The following UBXN7 variants were observed in gnomAD, a reference collection of about 807,000 sequenced individuals.
UBXN7 encodes UBX domain-containing protein 7.
UBXN7 carries 9 observed loss-of-function variants against 58.0 expected under a neutral mutation model. The ratio of observed to expected loss-of-function variants is 0.16; its 90% CI spans 0.09 to 0.27. UBXN7 has a LOEUF of 0.27. UBXN7 is among the 10% of genes least tolerant of loss of function. The pLI is 1.00. For synonymous variants in UBXN7, 208 were observed against 205.0 expected, an observed-to-expected ratio of 1.01 and a Z score of -0.12; for missense variants, 328 against 599.6, an observed-to-expected ratio of 0.55 and a Z score of 4.73.
At chr3:196,424,828 G>A (rs1433229533) in intron 1 of UBXN7, among the ~76,000 whole-genome samples, 1 of 150,292 alleles carries the variant, frequency 6.7e-6, no homozygotes, top group African/African-American at 2.5e-5. Context: ...TCAGCCTCCT[G>A]AGTAGCTGGG....
At position 196,368,053 on chromosome 3, in the gene UBXN7, C is replaced by G. The variant is rs1577436752; in HGVS notation, c.809G>C (p.Ser270Thr). The change falls in exon 8 of 11, where the codon AGT (serine) becomes ACT (threonine). Residue 270 changes from serine (S) to threonine (T), a missense_variant. Physicochemically the swap from Ser to Thr is moderately conservative, Grantham distance 58. Around this residue, in one of 4 missense-constraint regions of UBXN7, gnomAD observed 126 missense variants for 302.6 expected, o/e 0.42. Coordinates refer to ENST00000296328, the MANE Select transcript of UBXN7 (RefSeq NM_015562.2). Reference protein sequence around the residue: ...EHGQLDGLSSSPPKKCARSES... With the variant: ...EHGQLDGLSSTPPKKCARSES... ...TGAACGGGCACATTTTTTGGGGGGACTGCTAGAAAGTCCATCCAGTTGTCC... is the reference window on the plus strand; with the variant it reads ...TGAACGGGCACATTTTTTGGGGGGAGTGCTAGAAAGTCCATCCAGTTGTCC... The G allele has an allele frequency of 6.2e-7, 1 of 1,613,546 alleles. No homozygotes were observed.
chr3:196,411,811 A>G (rs1730337328), intron 1 of UBXN7, among the ~76,000 whole-genome samples: 1 of 152,202 alleles, frequency 6.6e-6, no homozygotes, highest in South Asian at 2.1e-4. Flanking sequence ...ACTTCGTCTC[A>G]AAAAACAAAC....
At chr3:196,407,962 G>A (rs1241987526) in intron 1 of UBXN7, among the ~76,000 whole-genome samples, 1 of 150,480 alleles carries the variant, frequency 6.6e-6, no homozygotes, top group Non-Finnish European at 1.5e-5. Context: ...GCCAGGCATG[G>A]TGGTACACAC....
chr3:196,426,847 C>CA (rs879857963), intron 1 of UBXN7, among the ~76,000 whole-genome samples: 1,568 of 100,576 alleles, frequency 0.016, 15 homozygotes, highest in African/African-American at 0.046. Context: ...GACTCTGTCT[C>CA]AAAAAAAAAA....
At chr3:196,429,896 G>A (rs921904268) in intron 1 of UBXN7, among the ~76,000 whole-genome samples, 1 of 152,138 alleles carries the variant, frequency 6.6e-6, no homozygotes, top group African/African-American at 2.4e-5. Context: ...CTACGTAGAC[G>A]AACAGAAACA....
chr3:196,385,797 G>T (rs1303879551), intron 5 of UBXN7, among the ~76,000 whole-genome samples: 2 of 150,340 alleles, frequency 1.3e-5, no homozygotes, highest in South Asian at 4.2e-4. Flanking sequence ...GAAGTGGGGG[G>T]GGTGGGGGCG....
chr3:196,422,399 G>A (rs1730716837), intron 1 of UBXN7, among the ~76,000 whole-genome samples: 1 of 151,620 alleles, frequency 6.6e-6, no homozygotes, highest in South Asian at 2.1e-4. Context: ...GAGGATTATT[G>A]ACCCCAGGAG....
intron 3 of UBXN7, among the ~76,000 whole-genome samples, chr3:196,395,375 T>C (rs548031960): frequency 2.6e-5 from 4 of 152,332 alleles, no homozygotes; most frequent in African/African-American, 7.2e-5. Flanking sequence ...TGTGTATATG[T>C]GTATGTTTTT....
intron 8 of UBXN7, among the ~76,000 whole-genome samples, chr3:196,363,295 A>C (rs1434630029): frequency 5.3e-5 from 8 of 151,562 alleles, no homozygotes; most frequent in Admixed American, 4.6e-4. Context: ...TTTTTAAGAG[A>C]CAGGGTCTAA....
rs1423659451 is a variant in UBXN7 at position 196,407,325 on chromosome 3, T to C, written c.142A>G (p.Met48Val). The C allele has an allele frequency of 1.2e-6, 2 of 1,613,572 alleles. No individual in the cohort carries two copies. Among genetic ancestry groups the C allele is most frequent in the Non-Finnish European group, 1.7e-6 (2 of 1,179,982 alleles). ...CNNNLEMAVT[M>V]FLDGGGIAEE... ...GCGATTCCTCCACCATCCAAAAACA[T>C]AGTGACTGCCATTTCCAGATTATTG... Residue 48 changes from methionine to valine, a missense_variant, in exon 2 of 11, where the codon ATG becomes GTG. Transcript: ENST00000296328.
At chr3:196,369,552 G>A in intron 6 of UBXN7, 41 bp from the exon 7 acceptor site, 8 of 1,482,490 alleles carry the variant, frequency 5.4e-6, no homozygotes, top group African/African-American at 1.4e-5. Flanking sequence ...CAGCCTCTAA[G>A]AAAAGAACCA....
At chr3:196,402,005 T>C (rs1730009878) in intron 3 of UBXN7, among the ~76,000 whole-genome samples, 1 of 152,008 alleles carries the variant, frequency 6.6e-6, no homozygotes, top group Non-Finnish European at 1.5e-5. Context: ...AATTTGTATG[T>C]CTCTTGTACT....
At chr3:196,367,884 G>A in intron 8 of UBXN7, 144 bp downstream of exon 8, 1 of 1,132,106 alleles carries the variant, frequency 8.8e-7, no homozygotes, top group Non-Finnish European at 1.2e-6. Flanking sequence ...CAAAATATAA[G>A]GAGGATATCT....
intron 10 of UBXN7, among the ~76,000 whole-genome samples, chr3:196,358,044 G>C (rs190295246): frequency 1.3e-5 from 2 of 151,896 alleles, no homozygotes; most frequent in Admixed American, 6.5e-5. Context: ...ACAAGAAAAG[G>C]AAGAAAAAAA....
At chr3:196,421,886 C>T (rs994308761) in intron 1 of UBXN7, among the ~76,000 whole-genome samples, 1 of 151,900 alleles carries the variant, frequency 6.6e-6, no homozygotes, top group Admixed American at 6.6e-5. Flanking sequence ...TACCATTACA[C>T]ACTTATTGAA....
rs1321468626 is a variant in UBXN7, at chr3:196,353,513, A to C, written c.*3172T>G. On this transcript the variant is annotated 3_prime_UTR_variant, in exon 11 of 11. Transcript: ENST00000296328. ...TTTTTTTTTTTTAAATTTGAGATGG[A>C]GTGTCGCTTTGTCGCCCAGGCTGGA... The C allele has an allele frequency of 6.9e-6, 1 of 144,442 alleles. No individual in the cohort carries two copies. The highest frequency in any genetic ancestry group is 1.5e-5 in the Non-Finnish European group (1 of 66,626). The allele number at this position is 144,442 out of a possible 1,614,324, so 8.9% of individuals were successfully genotyped here.
Position 196,417,283 on chromosome 3 carries a change from G to A in UBXN7, c.74-9890C>T, listed in dbSNP as rs112150432. 2.5e-3 allele frequency among the ~76,000 whole-genome samples: 382 copies of A among 152,314 alleles called. 5 individuals carry two copies. Among genetic ancestry groups the A allele is most frequent in the African/African-American group, 8.3e-3 (344 of 41,578 alleles). On this transcript the variant is annotated intron_variant, in intron 1 of 10. Coordinates refer to ENST00000296328, the MANE Select transcript of UBXN7 (RefSeq NM_015562.2). The stretch of plus-strand genomic sequence containing the variant: ...GCCGAGATCGCGCGACTGCACTCCA[G>A]CCTGGGAGACAGAGCGAGACTCCAT...
intron 1 of UBXN7, among the ~76,000 whole-genome samples, chr3:196,407,913 C>T (rs544598747): frequency 4.3e-4 from 65 of 151,944 alleles, no homozygotes; most frequent in African/African-American, 1.1e-3. Flanking sequence ...GCCTAACCAA[C>T]GTGGTGAAAT....
In UBXN7 at chr3:196,349,099, A is replaced by G. The variant is rs1728154396; in HGVS notation, c.*7586T>C. On this transcript the variant is annotated 3_prime_UTR_variant, in exon 11 of 11. Transcript: ENST00000296328. ...CAAAGCTTGGATGGAAGCCCCTCAA[A>G]GTCTAAGTATCGTGTTAGCATCAAC... is the stretch of plus-strand genomic sequence containing the variant. 6.6e-6 allele frequency: 1 copy of G among 152,242 alleles called. No homozygotes were observed. The highest frequency in any genetic ancestry group is 6.5e-5 in the Admixed American group (1 of 15,282). The allele number at this position is 152,242 out of a possible 1,614,324, so 9.4% of individuals were successfully genotyped here. A position where few individuals can be genotyped will look rare whatever the true frequency, so the allele number is the denominator to read the frequency against.
Sources: allele counts gnomAD v4.1 joint callset (sites outside exome capture counted in the v4.1 genomes callset), GRCh38; gene constraint gnomAD v4.1.1; regional missense constraint gnomAD v4.1.1; transcripts MANE v1.5; gene names NCBI Gene and HGNC (gene_info 2026-07-23, HGNC 2026-07-21).